The following CDHR2 variants were observed in gnomAD, a reference collection of about 807,000 sequenced individuals.
CDHR2 encodes the protein cadherin related family member 2.
Under a neutral mutation model 138.6 loss-of-function variants are expected in CDHR2, and 104 were observed. The observed-to-expected ratio is 0.75, with a 90% confidence interval of 0.64 to 0.88. The LOEUF is 0.88. CDHR2 is among the 40% of genes least tolerant of loss of function. CDHR2 has a pLI of 0.00. For synonymous variants in CDHR2, 755 were observed against 742.8 expected (o/e 1.02, Z -0.27); for missense variants, 1,624 against 1,727.6 (o/e 0.94, Z 1.06).
rs779377057 is a variant in CDHR2 at position 176,565,430 on chromosome 5, G to T, written c.52+26G>T. 9 of 1,609,904 alleles carry T rather than the reference G, an allele frequency of 5.6e-6. No homozygotes were observed. The Admixed American group carries it at 6.7e-5, about 12-fold the overall frequency. ...GTAGGTGTCTCCCCTCCCCAGCCAC[G>T]CAGCCCTAACCTAGAGACCCTTGGC... On this transcript the variant is annotated intron_variant, in intron 2 of 31. Transcript: ENST00000261944.
chr5:176,577,383 C>A lies in CDHR2; in HGVS notation c.1195-16C>A, dbSNP rs200778016. The A allele has an allele frequency of 6.2e-7, 1 of 1,600,540 alleles. No individual in the cohort carries two copies. The highest frequency in any genetic ancestry group is 1.8e-5 in the Admixed American group (1 of 57,066). On this transcript the variant is annotated splice_polypyrimidine_tract_variant and intron_variant, in intron 12 of 31. Coordinates refer to ENST00000261944, the MANE Select transcript of CDHR2 (RefSeq NM_017675.6). The stretch of plus-strand genomic sequence containing the variant: ...AGCAGGGGGACAGGTCCCTGCTAGA[C>A]AGCCCACCTTTACAGGGCAGCAATG...
intron 20 of CDHR2, 78 bp from the exon 21 acceptor site, chr5:176,586,715 A>C: frequency 7.4e-7 from 1 of 1,344,086 alleles, no homozygotes; most frequent in East Asian, 2.5e-5. Flanking sequence ...ATGAGCCCTG[A>C]GCTGGGCTCG....
chr5:176,595,418 A>T, intron 31 of CDHR2, 114 bp from the exon 32 acceptor site: 1 of 1,208,454 alleles, frequency 8.3e-7, no homozygotes, highest in Non-Finnish European at 1.1e-6. Context: ...GCAGGGTGGG[A>T]CCCCTGCCAA....
chr5:176,584,409 G>A lies in CDHR2; in HGVS notation c.2129-1G>A, dbSNP rs890757329. ...TTCTGAGCTCTGCCCCTTGTCCACA[G>A]GAGTGCTAGTGGGCGTGGTGAAGGC... On this transcript the variant is annotated splice_acceptor_variant, in intron 18 of 31. Transcript: ENST00000261944. LOFTEE classifies it high-confidence loss of function. 9.4e-6 allele frequency: 15 copies of A among 1,598,296 alleles called. No homozygotes were observed. The highest frequency in any genetic ancestry group is 1.3e-5 in the Non-Finnish European group (15 of 1,170,540).
At position 176,590,624 on chromosome 5, in the gene CDHR2, T is replaced by C. The variant is rs1758821609; in HGVS notation, c.3476T>C (p.Leu1159Ser). The C allele has an allele frequency of 1.9e-6, 3 of 1,613,860 alleles. No individual in the cohort carries two copies. The highest frequency in any genetic ancestry group is 1.7e-5 in the Admixed American group (1 of 60,000). Residue 1159 changes from leucine to serine, a missense_variant, in exon 28 of 32, where the codon TTG becomes TCG. Physicochemically the swap from Leu to Ser is moderately radical, Grantham distance 145. Coordinates refer to ENST00000261944, the MANE Select transcript of CDHR2 (RefSeq NM_017675.6). ...SKQLISVIIGLGVALLLVLVI... is the reference protein window; with the variant it reads ...SKQLISVIIGSGVALLLVLVI... Reference sequence around the variant, plus strand: ...CAGCTCATCAGTGTCATCATAGGATTGGGAGTGGCTTTGCTGCTGGTCCTT... The same window carrying C: ...CAGCTCATCAGTGTCATCATAGGATCGGGAGTGGCTTTGCTGCTGGTCCTT...
intron 1 of CDHR2, among the ~76,000 whole-genome samples, chr5:176,560,008 G>A (rs138763995): frequency 7.7e-4 from 118 of 152,306 alleles, no homozygotes; most frequent in Non-Finnish European, 1.2e-3. Flanking sequence ...AAGGCAAGGC[G>A]CTTGCTGTCT....
rs1759017019 is a variant in CDHR2, at chr5:176,595,753, T to C, written c.*81T>C. ...ACCTGTCTCCCTGGAGATGAAAATA[T>C]ATGACGCTGCCCTGCCTCCTGCTTT... On this transcript the variant is annotated 3_prime_UTR_variant, in exon 32 of 32. Coordinates refer to ENST00000261944, the MANE Select transcript of CDHR2 (RefSeq NM_017675.6). 2 of 1,330,272 alleles carry C rather than the reference T, an allele frequency of 1.5e-6. No homozygotes were observed. Among genetic ancestry groups the C allele is most frequent in the African/African-American group, 1.5e-5 (1 of 66,644 alleles). The allele number at this position is 1,330,272 out of a possible 1,614,324, so 82.4% of individuals were successfully genotyped here.
intron 1 of CDHR2, among the ~76,000 whole-genome samples, chr5:176,558,722 G>A (rs769006251): frequency 6.6e-5 from 10 of 151,600 alleles, no homozygotes; most frequent in Admixed American, 3.9e-4. Context: ...GGGTTTCACC[G>A]TGTTAGCCAG....
intron 5 of CDHR2, among the ~76,000 whole-genome samples, chr5:176,569,261 G>C (rs1758162957): frequency 6.6e-6 from 1 of 150,474 alleles, no homozygotes; most frequent in Non-Finnish European, 1.5e-5. Context: ...TAAATATATT[G>C]GTTATATTTT....
At position 176,578,473 on chromosome 5, in the gene CDHR2, A is replaced by C; in HGVS notation, c.1683A>C (p.Thr561=). 3 of 1,613,946 alleles carry C rather than the reference A, an allele frequency of 1.9e-6. No individual in the cohort carries two copies. Among genetic ancestry groups the C allele is most frequent in the Non-Finnish European group, 2.5e-6 (3 of 1,179,868 alleles). Residue 561 remains threonine, a synonymous_variant, in exon 16 of 32, where the codon ACA becomes ACC. Coordinates refer to ENST00000261944, the MANE Select transcript of CDHR2 (RefSeq NM_017675.6). ...TGTACTACCTGACGCTGCAGGCCAC[A>C]GACGGCGGGAACCTGTCCTCCTCCA... ...QAVYYLTLQA[T]DGGNLSSSTT...
At chr5:176,577,281 C>A in intron 12 of CDHR2, 118 bp from the exon 13 acceptor site, 1 of 1,119,538 alleles carries the variant, frequency 8.9e-7, no homozygotes, top group Non-Finnish European at 1.3e-6. Flanking sequence ...TTTTGAGAGC[C>A]CCCTTCCATG....
At chr5:176,570,100 A>T (rs1758189001) in intron 5 of CDHR2, among the ~76,000 whole-genome samples, 1 of 152,104 alleles carries the variant, frequency 6.6e-6, no homozygotes. Context: ...TTCTTGGTGC[A>T]TTTTTTGAAA....
Position 176,590,150 on chromosome 5 carries a change from A to G in CDHR2, c.3275+4A>G, listed in dbSNP as rs374466733. On this transcript the variant is annotated splice_donor_region_variant and intron_variant, in intron 25 of 31. Coordinates refer to ENST00000261944, the MANE Select transcript of CDHR2 (RefSeq NM_017675.6). ...AGGACATAGATTCTGCAGCTCGGTG[A>G]GTGCCCAGAGGCCTGGGGGTGGGGT... 1.2e-6 allele frequency: 2 copies of G among 1,612,486 alleles called. No homozygotes were observed. The highest frequency in any genetic ancestry group is 2.7e-5 in the African/African-American group (2 of 74,902).
chr5:176,577,834 C>T (rs1758431133), intron 14 of CDHR2, 36 bp downstream of exon 14: 3 of 1,608,732 alleles, frequency 1.9e-6, no homozygotes, highest in Non-Finnish European at 2.5e-6. Context: ...TGTGGGGTCC[C>T]AGCAAGCGGG....
At chr5:176,573,120 G>A (rs190156704) in intron 6 of CDHR2, among the ~76,000 whole-genome samples, 2 of 152,288 alleles carry the variant, frequency 1.3e-5, no homozygotes, top group Non-Finnish European at 2.9e-5. Flanking sequence ...GCTCCAGGCA[G>A]GGGGAACAAC....
chr5:176,547,259 G>T (rs912950901), upstream of CDHR2, among the ~76,000 whole-genome samples: 1 of 152,088 alleles, frequency 6.6e-6, no homozygotes, highest in Non-Finnish European at 1.5e-5. Flanking sequence ...TTACAGGCGC[G>T]AGCCACCAGC....
At chr5:176,579,500 G>C (rs539976559) in intron 16 of CDHR2, among the ~76,000 whole-genome samples, 1 of 152,260 alleles carries the variant, frequency 6.6e-6, no homozygotes, top group African/African-American at 2.4e-5. Flanking sequence ...CCCCTGGTCT[G>C]TGAGCTCCTT....
chr5:176,585,702 C>A (rs892443948), intron 19 of CDHR2, among the ~76,000 whole-genome samples: 1 of 152,228 alleles, frequency 6.6e-6, no homozygotes, highest in African/African-American at 2.4e-5. Context: ...CAGAGAAGAC[C>A]GATCAGGCAT....
chr5:176,548,138 C>T (rs894188716), upstream of CDHR2, among the ~76,000 whole-genome samples: 5 of 152,216 alleles, frequency 3.3e-5, no homozygotes, highest in Non-Finnish European at 5.9e-5. Flanking sequence ...AGTATTTGTG[C>T]ATGTAAACAC....
Sources: allele counts gnomAD v4.1 joint callset (sites outside exome capture counted in the v4.1 genomes callset), GRCh38; gene constraint gnomAD v4.1.1; transcripts MANE v1.5; gene names NCBI Gene and HGNC (gene_info 2026-07-23, HGNC 2026-07-21).